The following LRRC69 variants were observed in gnomAD, a reference collection of about 807,000 sequenced individuals.
LRRC69 encodes the protein leucine rich repeat containing 69.
In LRRC69, 42 loss-of-function variants were observed where a neutral mutation model predicts 37.8. The observed-to-expected ratio is 1.11, with a 90% CI of 0.87 to 1.44. The LOEUF (loss-of-function observed/expected upper bound fraction) is 1.44, where lower values mean the gene tolerates loss of function less well. LRRC69 is among the 40% of genes most tolerant of loss of function. The pLI, the probability that LRRC69 is intolerant of heterozygous loss-of-function variation, is 0.00. For synonymous variants in LRRC69, 141 were observed against 143.1 expected, an observed-to-expected ratio of 0.99 and a Z score of 0.11; for missense variants, 357 against 401.9, an observed-to-expected ratio of 0.89 and a Z score of 0.96.
At chr8:91,197,781 G>A (rs1182339683) in intron 6 of LRRC69, among the ~76,000 whole-genome samples, 1 of 151,904 alleles carries the variant, frequency 6.6e-6, no homozygotes, top group African/African-American at 2.4e-5. Flanking sequence ...ACCTCAGATG[G>A]AAATGCAGAA....
intron 5 of LRRC69, 73 bp downstream of exon 5, chr8:91,135,812 G>A: frequency 1.3e-6 from 1 of 742,444 alleles, no homozygotes; most frequent in Non-Finnish European, 2.0e-6. Context: ...AAAAATATGG[G>A]CAGACAGTAA....
At chr8:91,197,513 C>G (rs112895271) in intron 6 of LRRC69, among the ~76,000 whole-genome samples, 1 of 152,088 alleles carries the variant, frequency 6.6e-6, no homozygotes, top group Non-Finnish European at 1.5e-5. Context: ...GGCGTAGGAC[C>G]CTCCGAGCCA....
At chr8:91,201,477 A>G (rs373639040) in intron 7 of LRRC69, among the ~76,000 whole-genome samples, 39 of 151,990 alleles carry the variant, frequency 2.6e-4, no homozygotes, top group African/African-American at 9.0e-4. Flanking sequence ...TAAATTTCAT[A>G]TAATGTTAAC....
rs377280341 is a variant in LRRC69, at chr8:91,133,094, G to GTT, written c.384-4_384-3dup. On this transcript the variant is annotated splice_polypyrimidine_tract_variant and intron_variant, in intron 3 of 7. Coordinates refer to ENST00000448384, the Ensembl canonical transcript of LRRC69. ...GTGAGTTTCATTCATATACTTTGGT[G>GTT]TTTTTTTTTTTTTAGATTAAAAAGT... 3.3e-3 allele frequency: 3,768 copies of GTT among 1,155,248 alleles called. No individual in the cohort carries two copies. Among genetic ancestry groups the GTT allele is most frequent in the Non-Finnish European group, 3.8e-3 (3,225 of 857,090 alleles). The allele number at this position is 1,155,248 out of a possible 1,614,324, so 71.6% of individuals were successfully genotyped here. A position where few individuals can be genotyped will look rare whatever the true frequency, so the allele number is the denominator to read the frequency against.
At chr8:91,214,822 T>A (rs1810009421) in intron 7 of LRRC69, among the ~76,000 whole-genome samples, 1 of 151,798 alleles carries the variant, frequency 6.6e-6, no homozygotes, top group South Asian at 2.1e-4. Flanking sequence ...TTTTTTTTTT[T>A]ACAGTCAAGT....
chr8:91,217,330 A>G (rs934665789), intron 7 of LRRC69, among the ~76,000 whole-genome samples: 1 of 152,216 alleles, frequency 6.6e-6, no homozygotes, highest in African/African-American at 2.4e-5. Context: ...AGATTTTGTC[A>G]TGTCTAAATT....
chr8:91,203,878 C>T (rs549567879), intron 7 of LRRC69, among the ~76,000 whole-genome samples: 116 of 151,520 alleles, frequency 7.7e-4, no homozygotes, highest in Non-Finnish European at 1.2e-3. Flanking sequence ...CCAGCACTTT[C>T]GGAGGCTGAG....
chr8:91,178,659 A>G (rs1809275962), intron 5 of LRRC69, among the ~76,000 whole-genome samples: 1 of 152,206 alleles, frequency 6.6e-6, no homozygotes, highest in African/African-American at 2.4e-5. Context: ...CTCTGATGTA[A>G]GTCTTTACAT....
At chr8:91,170,363 A>G in intron 5 of LRRC69, among the ~76,000 whole-genome samples, 1 of 150,826 alleles carries the variant, frequency 6.6e-6, no homozygotes, top group Non-Finnish European at 1.5e-5. Context: ...ATCCCCATCA[A>G]GCTACCAATG....
intron 6 of LRRC69, among the ~76,000 whole-genome samples, chr8:91,195,963 G>A (rs1237262109): frequency 2.0e-5 from 3 of 152,344 alleles, no homozygotes; most frequent in Non-Finnish European, 4.4e-5. Flanking sequence ...ATTTTGGCAT[G>A]ATTTTGCAGC....
chr8:91,133,168 G>T lies in LRRC69; in HGVS notation c.442G>T (p.Glu148Ter). Residue 148 changes from glutamate to a stop codon, truncating the protein, a stop_gained, in exon 4 of 8, where the codon GAA (glutamate) becomes TAA (stop). Transcript: ENST00000448384. LOFTEE classifies it high-confidence loss of function. ...TAACCAACTAGCCAGCATTCCTAGA[G>T]AACTTTGTTTTCTTGAGAATCTTGT... The T allele has an allele frequency of 6.5e-7, 1 of 1,541,024 alleles. No homozygotes were observed. The highest frequency in any genetic ancestry group is 8.7e-7 in the Non-Finnish European group (1 of 1,143,348).
At chr8:91,120,151 T>A (rs1400099551) in intron 1 of LRRC69, among the ~76,000 whole-genome samples, 1 of 152,060 alleles carries the variant, frequency 6.6e-6, no homozygotes, top group Non-Finnish European at 1.5e-5. Context: ...CACAGCCCAC[T>A]TCAATTAGAC....
At chr8:91,191,044 C>G (rs4513932) in intron 6 of LRRC69, among the ~76,000 whole-genome samples, 1,862 of 116,280 alleles carry the variant, frequency 0.016, 77 homozygotes, top group African/African-American at 0.062. Context: ...GTCTCAAACC[C>G]CCCCCCCCCC....
chr8:91,168,960 A>G (rs1210243749), intron 5 of LRRC69, among the ~76,000 whole-genome samples: 1 of 151,932 alleles, frequency 6.6e-6, no homozygotes, highest in Non-Finnish European at 1.5e-5. Context: ...TCCAGAGTCA[A>G]ATACAAAAAA....
chr8:91,115,828 T>G (rs1411423025), intron 1 of LRRC69, among the ~76,000 whole-genome samples: 1 of 151,834 alleles, frequency 6.6e-6, no homozygotes, highest in Non-Finnish European at 1.5e-5. Context: ...ACCCTGGAGT[T>G]GTTCCTTGGC....
intron 5 of LRRC69, among the ~76,000 whole-genome samples, chr8:91,172,431 T>C (rs534054664): frequency 6.6e-6 from 1 of 152,182 alleles, no homozygotes; most frequent in East Asian, 1.9e-4. Context: ...AGCAATTCTT[T>C]ACATATTTCT....
intron 5 of LRRC69, among the ~76,000 whole-genome samples, chr8:91,187,197 C>T (rs1250100872): frequency 6.6e-6 from 1 of 152,186 alleles, no homozygotes; most frequent in African/African-American, 2.4e-5. Flanking sequence ...TCTGGTATGG[C>T]AATGTGACCA....
At chr8:91,129,641 C>T (rs1049857673) in intron 3 of LRRC69, among the ~76,000 whole-genome samples, 3 of 151,936 alleles carry the variant, frequency 2.0e-5, no homozygotes, top group Non-Finnish European at 4.4e-5. Context: ...CACATTTTTA[C>T]TCCATTTCAG....
At chr8:91,216,475 C>T (rs1440978369) in intron 7 of LRRC69, among the ~76,000 whole-genome samples, 1 of 152,102 alleles carries the variant, frequency 6.6e-6, no homozygotes, top group Non-Finnish European at 1.5e-5. Flanking sequence ...CTCTAACTTC[C>T]TCCTCTTGGT....
Sources: allele counts gnomAD v4.1 joint callset (sites outside exome capture counted in the v4.1 genomes callset), GRCh38; gene constraint gnomAD v4.1.1; transcripts MANE v1.5; gene names NCBI Gene and HGNC (gene_info 2026-07-23, HGNC 2026-07-21).